The following TUSC3 variants were observed in gnomAD, a reference collection of about 807,000 sequenced individuals.
The protein encoded by TUSC3 is tumor suppressor candidate 3.
Under a neutral mutation model 44.8 loss-of-function variants are expected in TUSC3, and 45 were observed. That is an observed-to-expected ratio of 1.00 (90% CI 0.79 to 1.29). The LOEUF (loss-of-function observed/expected upper bound fraction) is 1.29, where lower values mean the gene tolerates loss of function less well. Among genes scored for constraint, TUSC3 ranks in the 50% most tolerant of loss-of-function variants. The probability of loss-of-function intolerance (pLI) is 0.00; values close to 1 mark genes in which losing one functional copy is unlikely to be tolerated. For missense variants in TUSC3, 519 were observed against 437.9 expected (o/e 1.19, Z -1.65); for synonymous variants, 212 against 152.9 (o/e 1.39, Z -2.85).
At chr8:15,637,705 G>A (rs761219180) in intron 2 of TUSC3, among the ~76,000 whole-genome samples, 1 of 151,732 alleles carries the variant, frequency 6.6e-6, no homozygotes, top group African/African-American at 2.4e-5. Flanking sequence ...TAGTTTATAT[G>A]TGGGGTGGGG....
chr8:15,545,264 A>G (rs1288931714), intron 1 of TUSC3, among the ~76,000 whole-genome samples: 1 of 151,624 alleles, frequency 6.6e-6, no homozygotes, highest in Non-Finnish European at 1.5e-5. Context: ...CAGCATTTGT[A>G]CTGGTTCCTT....
chr8:15,440,399 C>G (rs932470163), intron 1 of TUSC3, among the ~76,000 whole-genome samples: 2 of 152,104 alleles, frequency 1.3e-5, no homozygotes, highest in African/African-American at 4.8e-5. Context: ...TCTTGAGGAT[C>G]TATGCAGAAT....
chr8:15,830,508 C>G, the TUSC3 span, among the ~76,000 whole-genome samples: 2 of 152,092 alleles, frequency 1.3e-5, no homozygotes, highest in Admixed American at 1.3e-4. Context: ...TGTAATCAAT[C>G]TAGGTGTTTA....
At chr8:15,768,488 T>A (rs1407900777), downstream of TUSC3, among the ~76,000 whole-genome samples, 1 of 152,130 alleles carries the variant, frequency 6.6e-6, no homozygotes, top group East Asian at 1.9e-4. Flanking sequence ...AGCACAGGCA[T>A]TGGACTTGCT....
chr8:15,670,861 TAA>T (rs1273436591), intron 5 of TUSC3, among the ~76,000 whole-genome samples: 1 of 151,866 alleles, frequency 6.6e-6, no homozygotes, highest in Non-Finnish European at 1.5e-5. Context: ...AGTGAAATTT[TAA>T]AAGAGGTAAA....
chr8:15,600,898 T>C (rs1307076063), intron 1 of TUSC3, among the ~76,000 whole-genome samples: 1 of 151,708 alleles, frequency 6.6e-6, no homozygotes, highest in African/African-American at 2.4e-5. Flanking sequence ...TGAACCCAAA[T>C]TGCATAATAA....
Position 15,670,488 on chromosome 8 carries a change from T to G in TUSC3, c.709-3259T>G, listed in dbSNP as rs1807899595. Among the ~76,000 whole-genome samples the G allele has an allele frequency of 2.6e-5, 4 of 151,690 alleles. No individual in the cohort carries two copies. The South Asian group carries it at 8.3e-4, about 31-fold the overall frequency. On this transcript the variant is annotated intron_variant, in intron 5 of 10. Transcript: ENST00000503731. ...TAAATATTGCCGAGCCAACTGGATA[T>G]CCATATGGGAAAAAGATGAATTTCA... is the stretch of plus-strand genomic sequence containing the variant.
chr8:15,750,233 C>A (rs926996168), intron 9 of TUSC3, among the ~76,000 whole-genome samples: 1 of 151,990 alleles, frequency 6.6e-6, no homozygotes, highest in Non-Finnish European at 1.5e-5. Flanking sequence ...CCCACCTCGG[C>A]CTCCCAAAGT....
intron 2 of TUSC3, among the ~76,000 whole-genome samples, chr8:15,641,245 C>T (rs1806353007): frequency 6.6e-6 from 1 of 151,906 alleles, no homozygotes; most frequent in Admixed American, 6.6e-5. Context: ...CCTGTAGTCC[C>T]ACCTACTCGG....
chr8:15,578,074 C>G (rs1408306541), intron 1 of TUSC3, among the ~76,000 whole-genome samples: 4 of 150,662 alleles, frequency 2.7e-5, no homozygotes, highest in African/African-American at 9.8e-5. Context: ...CTCTTTGAAG[C>G]AATTGTGAAT....
chr8:15,566,955 A>T (rs1802702199), intron 1 of TUSC3, among the ~76,000 whole-genome samples: 1 of 152,114 alleles, frequency 6.6e-6, no homozygotes, highest in African/African-American at 2.4e-5. Flanking sequence ...AACATGAGTC[A>T]TATTTTGGTC....
chr8:15,843,948 C>T, the TUSC3 span, among the ~76,000 whole-genome samples: 3 of 152,028 alleles, frequency 2.0e-5, no homozygotes, highest in African/African-American at 7.2e-5. Context: ...GAAACTCAGT[C>T]TCTTTGGTTT....
At chr8:15,418,464 T>C (rs1799687892) in intron 1 of TUSC3, among the ~76,000 whole-genome samples, 1 of 152,198 alleles carries the variant, frequency 6.6e-6, no homozygotes, top group Non-Finnish European at 1.5e-5. Flanking sequence ...TTGTGAAACG[T>C]TTATTTTACA....
chr8:15,712,561 A>C (rs1018070002), intron 6 of TUSC3, among the ~76,000 whole-genome samples: 5 of 151,876 alleles, frequency 3.3e-5, no homozygotes, highest in Non-Finnish European at 7.4e-5. Flanking sequence ...TTTAAAAAGG[A>C]TTTACGTGGT....
chr8:15,802,217 C>G, the TUSC3 span, among the ~76,000 whole-genome samples: 2 of 152,158 alleles, frequency 1.3e-5, no homozygotes, highest in African/African-American at 2.4e-5. Flanking sequence ...GTAAGAGTCA[C>G]TGGGTGAAAT....
At chr8:15,485,464 C>CTTTTTTTTTTT (rs11372919) in intron 2 of TUSC3, among the ~76,000 whole-genome samples, 7 of 135,244 alleles carry the variant, frequency 5.2e-5, no homozygotes, top group African/African-American at 1.1e-4. Context: ...ACTCTGTTGT[C>CTTTTTTTTTTT]TTTTTTTTTT....
chr8:15,743,593 C>T lies in TUSC3; in HGVS notation c.918C>T (p.Gly306=), dbSNP rs969878495. 1.2e-6 allele frequency: 2 copies of T among 1,613,742 alleles called. No individual in the cohort carries two copies. The highest frequency in any genetic ancestry group is 2.2e-5 in the South Asian group (2 of 91,064). Residue 306 remains glycine, a synonymous_variant, in exon 8 of 11, where the codon GGC becomes GGT. Transcript: ENST00000503731. The part of the protein sequence containing the change: ...VLLNEAATSK[G]DVGKRRIICL... ...TAAATGAAGCAGCAACTTCGAAAGG[C>T]GATGTTGGAAAAAGACGGAGTAAGT...
At chr8:15,483,109 A>T (rs539892702) in intron 1 of TUSC3, among the ~76,000 whole-genome samples, 1 of 152,354 alleles carries the variant, frequency 6.6e-6, no homozygotes, top group Non-Finnish European at 1.5e-5. Context: ...AGAAACGGGA[A>T]GAAAAGAATA....
rs115058988 is a variant in TUSC3 at position 15,447,036 on chromosome 8, G to C, written n.91+29731G>C. The stretch of plus-strand genomic sequence containing the variant: ...TGACATGGAGAGTAACTTCAATACT[G>C]TTTCCCAAATGCAGAAGAAAAAAAA... On this transcript the variant is annotated intron_variant and non_coding_transcript_variant, in intron 1 of 5. Transcript: ENST00000503191. 7.7e-3 allele frequency among the ~76,000 whole-genome samples: 1,167 copies of C among 151,780 alleles called. 21 individuals are homozygous for C. The highest frequency in any genetic ancestry group is 0.027 in the African/African-American group (1,107 of 41,368).
Sources: gnomAD v4.1 joint callset for allele counts (sites outside exome capture counted in the v4.1 genomes callset) on GRCh38, gnomAD v4.1.1 for gene constraint, MANE v1.5 for transcripts, NCBI Gene and HGNC (gene_info 2026-07-23, HGNC 2026-07-21) for gene names.